Variants in MYRIP observed in about 807,000 individuals in gnomAD.
The protein encoded by MYRIP is myosin VIIA and Rab interacting protein.
Under a neutral mutation model 98.0 loss-of-function variants are expected in MYRIP, and 49 were observed. The ratio of observed to expected loss-of-function variants is 0.50; its 90% CI spans 0.40 to 0.63. The LOEUF is 0.63. MYRIP is among the 30% of genes least tolerant of loss of function. The pLI is 0.00. For synonymous variants in MYRIP, 404 were observed against 409.5 expected (o/e 0.99, Z 0.16); for missense variants, 1,004 against 1,058.2 (o/e 0.95, Z 0.71).
At chr3:40,016,714 C>G (rs1413320113) in intron 2 of MYRIP, among the ~76,000 whole-genome samples, 2 of 152,214 alleles carry the variant, frequency 1.3e-5, no homozygotes, top group Non-Finnish European at 2.9e-5. Flanking sequence ...AGTCAGAGGT[C>G]ATTGTCACAG....
intron 2 of MYRIP, among the ~76,000 whole-genome samples, chr3:39,941,677 ATACAT>A (rs1168875475): frequency 6.6e-6 from 1 of 152,084 alleles, no homozygotes; most frequent in Non-Finnish European, 1.5e-5. Flanking sequence ...ATGTCATAGC[ATACAT>A]TACATCACAT....
chr3:40,093,250 C>T (rs1412478628), intron 3 of MYRIP, among the ~76,000 whole-genome samples: 1 of 152,126 alleles, frequency 6.6e-6, no homozygotes, highest in Non-Finnish European at 1.5e-5. Flanking sequence ...GTCCAGTGAC[C>T]CAGTGGCTGC....
chr3:39,917,645 C>T (rs1251195993), intron 2 of MYRIP, among the ~76,000 whole-genome samples: 3 of 151,726 alleles, frequency 2.0e-5, no homozygotes. Flanking sequence ...ACTAGACCTC[C>T]TTCCCTTCAA....
intron 11 of MYRIP, among the ~76,000 whole-genome samples, chr3:40,223,480 AAGAC>A (rs1952397217): frequency 6.6e-6 from 1 of 152,226 alleles, no homozygotes; most frequent in South Asian, 2.1e-4. Flanking sequence ...AGGTCAAAAA[AAGAC>A]AGCTTTTTAA....
At chr3:39,808,967 A>T, upstream of MYRIP, 1 of 152,238 alleles carries the variant, frequency 6.6e-6, no homozygotes, top group East Asian at 1.9e-4. Flanking sequence ...ATTAGCCTGG[A>T]CAGCTCCCTG....
intron 3 of MYRIP, among the ~76,000 whole-genome samples, chr3:40,104,360 A>C (rs767273521): frequency 1.3e-5 from 2 of 152,144 alleles, no homozygotes; most frequent in African/African-American, 2.4e-5. Context: ...AATATTCTCC[A>C]TTTTCTCAGT....
At chr3:40,245,551 A>C (rs1354773665) in intron 13 of MYRIP, among the ~76,000 whole-genome samples, 1 of 148,296 alleles carries the variant, frequency 6.7e-6, no homozygotes, top group Admixed American at 6.8e-5. Context: ...TGGGAGACTG[A>C]GGCAGGAGAA....
intron 1 of MYRIP, among the ~76,000 whole-genome samples, chr3:39,896,895 G>A (rs997179636): frequency 6.6e-6 from 1 of 151,718 alleles, no homozygotes; most frequent in African/African-American, 2.4e-5. Context: ...GTATTAACCA[G>A]TACCTGTAGA....
rs144029253 is a variant in MYRIP at position 40,189,989 on chromosome 3, C to T, written c.1191C>T (p.Ser397=). ...CCTACGATGAGATGGGCTCCGATAG[C>T]GAGGAAGACTTTGACTGGAGTGAGG... ...ASAYDEMGSD[S]EEDFDWSEAL... The change falls in exon 10 of 17, where the codon AGC becomes AGT. Residue 397 remains serine (S), a synonymous_variant. Transcript: ENST00000302541. 18 of 1,614,126 alleles carry T rather than the reference C, an allele frequency of 1.1e-5. No homozygotes were observed. Among genetic ancestry groups the T allele is most frequent in the Admixed American group, 3.3e-5 (2 of 60,028 alleles).
chr3:39,829,089 C>T (rs1218743307), intron 1 of MYRIP, among the ~76,000 whole-genome samples: 1 of 152,200 alleles, frequency 6.6e-6, no homozygotes, highest in Non-Finnish European at 1.5e-5. Context: ...TTTACATTCC[C>T]ACCAGCAGTG....
At chr3:40,054,201 T>C (rs763324907) in intron 3 of MYRIP, among the ~76,000 whole-genome samples, 26 of 152,198 alleles carry the variant, frequency 1.7e-4, no homozygotes, top group Non-Finnish European at 3.7e-4. Context: ...ATTAAATCTT[T>C]AAGTTATTTT....
Position 40,251,911 on chromosome 3 carries a change from C to T in MYRIP, c.2459C>T (p.Thr820Ile), listed in dbSNP as rs200695832. 2.0e-4 allele frequency: 317 copies of T among 1,613,444 alleles called. No individual in the cohort carries two copies. The highest frequency in any genetic ancestry group is 6.6e-4 in the Middle Eastern group (4 of 6,062). Residue 820 changes from threonine to isoleucine, a missense_variant, in exon 16 of 17, where the codon ACC becomes ATC. Physicochemically the swap from Thr to Ile is moderately conservative, Grantham distance 89 (BLOSUM62 -1). Transcript: ENST00000302541. ...AEKIETSSVT[T>I]IKTFNHNFIL... ...AAAATTGAGACATCTTCAGTGACTA[C>T]CATTAAAACATTTAACCACAACTTC...
intron 1 of MYRIP, among the ~76,000 whole-genome samples, chr3:39,829,860 G>A (rs976522205): frequency 6.6e-6 from 1 of 152,142 alleles, no homozygotes; most frequent in Non-Finnish European, 1.5e-5. Flanking sequence ...GGTATGCCAA[G>A]TTGTGAATGC....
At chr3:40,109,004 A>T (rs899014915) in intron 3 of MYRIP, among the ~76,000 whole-genome samples, 1 of 152,222 alleles carries the variant, frequency 6.6e-6, no homozygotes, top group Non-Finnish European at 1.5e-5. Flanking sequence ...CCTTTACCTC[A>T]GAGCCTACTG....
intron 12 of MYRIP, among the ~76,000 whole-genome samples, chr3:40,237,254 CTT>C (rs754117204): frequency 2.0e-5 from 3 of 152,188 alleles, no homozygotes; most frequent in Non-Finnish European, 2.9e-5. Context: ...TGTCTGTTCA[CTT>C]TTCACACTTT....
At chr3:40,156,712 C>T (rs1386088721) in intron 4 of MYRIP, among the ~76,000 whole-genome samples, 1 of 151,250 alleles carries the variant, frequency 6.6e-6, no homozygotes, top group Non-Finnish European at 1.5e-5. Flanking sequence ...CCTTCACATC[C>T]CTTGTAAGTT....
At chr3:40,027,316 T>C (rs1409298434) in intron 2 of MYRIP, among the ~76,000 whole-genome samples, 1 of 152,100 alleles carries the variant, frequency 6.6e-6, no homozygotes, top group African/African-American at 2.4e-5. Context: ...ACTGCAGTGC[T>C]CCCCATGCTT....
In MYRIP at chr3:39,855,535, T is replaced by A. The variant is rs1271671064; in HGVS notation, c.-30-45252T>A. ...CCACTATGGGGTGTGAGGGGGTGGTTCTCAGGCCAATGGGGTTATGTTCCA... is the reference window on the plus strand; with the variant it reads ...CCACTATGGGGTGTGAGGGGGTGGTACTCAGGCCAATGGGGTTATGTTCCA... On this transcript the variant is annotated intron_variant, in intron 1 of 16. Transcript: ENST00000302541. Among the ~76,000 whole-genome samples, 3 of 151,982 alleles carry A rather than the reference T, an allele frequency of 2.0e-5. No individual in the cohort carries two copies. The East Asian group carries it at 5.8e-4, about 29-fold the overall frequency.
chr3:39,813,141 C>G (rs912013493), intron 1 of MYRIP, among the ~76,000 whole-genome samples: 1 of 152,154 alleles, frequency 6.6e-6, no homozygotes, highest in African/African-American at 2.4e-5. Flanking sequence ...GTTCTCATTC[C>G]GAAGGCTGGT....
Sources: allele counts gnomAD v4.1 joint callset (sites outside exome capture counted in the v4.1 genomes callset), GRCh38; gene constraint gnomAD v4.1.1; transcripts MANE v1.5; gene names NCBI Gene and HGNC (gene_info 2026-07-23, HGNC 2026-07-21).